Variants in EYS observed in about 807,000 individuals in gnomAD.
EYS encodes the protein EGF-like photoreceptor maintenance factor.
EYS carries 250 observed loss-of-function variants against 282.1 expected under a neutral mutation model. The observed-to-expected ratio is 0.89, with a 90% CI of 0.80 to 0.98. The LOEUF is 0.98. Among genes scored for constraint, EYS ranks in the 50% least tolerant of loss-of-function variants. The pLI is 0.00. For missense variants in EYS, 4,016 were observed against 3,709.0 expected (o/e 1.08, Z -2.15); for synonymous variants, 1,355 against 1,282.9 (o/e 1.06, Z -1.20).
At chr6:64,180,338 A>G (rs1390317239) in intron 31 of EYS, among the ~76,000 whole-genome samples, 2 of 152,162 alleles carry the variant, frequency 1.3e-5, no homozygotes. Context: ...ACCTAAAGCC[A>G]AAGTTATTAC....
At chr6:65,649,279 C>G (rs1368598998) in intron 1 of EYS, among the ~76,000 whole-genome samples, 1 of 150,064 alleles carries the variant, frequency 6.7e-6, no homozygotes, top group Non-Finnish European at 1.5e-5. Flanking sequence ...GTTTTGTTTT[C>G]AAGATTGGAC....
chr6:65,567,352 C>G (rs1287278303), intron 2 of EYS, among the ~76,000 whole-genome samples: 8 of 148,976 alleles, frequency 5.4e-5, no homozygotes, highest in African/African-American at 2.0e-4. Flanking sequence ...AAATGGTGAC[C>G]AAAATGAAAT....
At chr6:65,499,349 A>G (rs894483754) in intron 2 of EYS, among the ~76,000 whole-genome samples, 1 of 152,060 alleles carries the variant, frequency 6.6e-6, no homozygotes, top group Non-Finnish European at 1.5e-5. Context: ...TAGGCATTCA[A>G]TTAAAGATAG....
At chr6:65,590,729 G>T (rs1765201152) in intron 2 of EYS, among the ~76,000 whole-genome samples, 1 of 151,698 alleles carries the variant, frequency 6.6e-6, no homozygotes, top group African/African-American at 2.4e-5. Context: ...CGTGGTATTT[G>T]TCTTTCTATG....
chr6:64,282,818 T>A (rs1768356301), intron 30 of EYS, among the ~76,000 whole-genome samples: 1 of 152,234 alleles, frequency 6.6e-6, no homozygotes, highest in African/African-American at 2.4e-5. Context: ...CTATTGCTTC[T>A]GCATTCAAAA....
intron 22 of EYS, among the ~76,000 whole-genome samples, chr6:64,670,975 A>G (rs1232216428): frequency 6.6e-6 from 1 of 151,872 alleles, no homozygotes; most frequent in Admixed American, 6.6e-5. Context: ...TCTTCTCCCA[A>G]TATTGGAAAG....
rs148762186 is a variant in EYS, at chr6:65,022,680, A to C, written c.2138-24977T>G. Among the ~76,000 whole-genome samples the C allele has an allele frequency of 4.0e-3, 597 of 149,038 alleles. 3 individuals are homozygous for C. The highest frequency in any genetic ancestry group is 0.028 in the Admixed American group (418 of 14,888). On this transcript the variant is annotated intron_variant, in intron 13 of 42. Coordinates refer to ENST00000503581, the MANE Select transcript of EYS (RefSeq NM_001142800.2). ...GAAGTACATATATAAAACTAAATAT[A>C]TTATATATTAATATATATTATTTTT... is the stretch of plus-strand genomic sequence containing the variant.
At chr6:64,802,192 C>T (rs1250500477) in intron 22 of EYS, among the ~76,000 whole-genome samples, 3 of 151,366 alleles carry the variant, frequency 2.0e-5, no homozygotes, top group Non-Finnish European at 4.4e-5. Context: ...CACCACCATG[C>T]CCGGCTAATA....
intron 33 of EYS, among the ~76,000 whole-genome samples, chr6:64,010,689 GTCC>G (rs1161431399): frequency 6.6e-6 from 1 of 151,920 alleles, no homozygotes; most frequent in African/African-American, 2.4e-5. Flanking sequence ...CATTCTTCAT[GTCC>G]TGTGTTCTTC....
chr6:64,656,854 C>A (rs1224529779), intron 22 of EYS, among the ~76,000 whole-genome samples: 1 of 152,130 alleles, frequency 6.6e-6, no homozygotes, highest in Non-Finnish European at 1.5e-5. Context: ...TGGAAATTGG[C>A]TGTAAAAGGT....
chr6:64,990,239 A>T (rs958266979), intron 14 of EYS, among the ~76,000 whole-genome samples: 48 of 151,560 alleles, frequency 3.2e-4, no homozygotes, highest in African/African-American at 1.1e-3. Context: ...CCTTAAATGC[A>T]TGATATGAAC....
At chr6:64,439,051 G>A (rs1774846730) in intron 27 of EYS, 111 bp downstream of exon 27, 2 of 478,924 alleles carry the variant, frequency 4.2e-6, no homozygotes, top group Non-Finnish European at 7.0e-6. Context: ...TCCTGGTGGT[G>A]AGTATAATAT....
At chr6:64,086,504 C>T (rs1228220546) in intron 31 of EYS, among the ~76,000 whole-genome samples, 3 of 152,170 alleles carry the variant, frequency 2.0e-5, no homozygotes, top group Non-Finnish European at 4.4e-5. Flanking sequence ...ATACATATCT[C>T]CTGCTAAGGT....
intron 29 of EYS, among the ~76,000 whole-genome samples, chr6:64,334,520 T>C (rs1770770434): frequency 6.6e-6 from 1 of 152,164 alleles, no homozygotes; most frequent in Admixed American, 6.6e-5. Context: ...TACTATGGAC[T>C]GGCCAGCTGG....
chr6:63,943,132 G>C (rs1357989099), intron 35 of EYS, among the ~76,000 whole-genome samples: 1 of 152,110 alleles, frequency 6.6e-6, no homozygotes, highest in Non-Finnish European at 1.5e-5. Flanking sequence ...ACTGCATGGG[G>C]GTTGGCACCC....
At chr6:64,090,043 C>T (rs1772299841) in intron 31 of EYS, among the ~76,000 whole-genome samples, 1 of 152,250 alleles carries the variant, frequency 6.6e-6, no homozygotes, top group South Asian at 2.1e-4. Flanking sequence ...GGCCCCAAAG[C>T]TCTGACCCCA....
At chr6:64,319,217 A>G (rs1561927275) in intron 29 of EYS, among the ~76,000 whole-genome samples, 1 of 151,908 alleles carries the variant, frequency 6.6e-6, no homozygotes, top group Non-Finnish European at 1.5e-5. Flanking sequence ...CAATTAAGAA[A>G]TAGTCAATTG....
chr6:64,448,322 A>G (rs1309431751), intron 26 of EYS, among the ~76,000 whole-genome samples: 1 of 152,232 alleles, frequency 6.6e-6, no homozygotes, highest in Non-Finnish European at 1.5e-5. Context: ...GGCGCCAGCC[A>G]TTGCTTGGGC....
intron 1 of EYS, among the ~76,000 whole-genome samples, chr6:65,640,984 C>A (rs1162875322): frequency 6.6e-6 from 1 of 152,084 alleles, no homozygotes; most frequent in African/African-American, 2.4e-5. Flanking sequence ...CATTTTCTCA[C>A]TCTGTCCTGT....
Sources: allele counts gnomAD v4.1 joint callset (sites outside exome capture counted in the v4.1 genomes callset), GRCh38; gene constraint gnomAD v4.1.1; transcripts MANE v1.5; gene names NCBI Gene and HGNC (gene_info 2026-07-23, HGNC 2026-07-21).